Variants in KCNB2 observed in about 807,000 individuals in gnomAD.
The protein encoded by KCNB2 is potassium voltage-gated channel subfamily B member 2, also known as delayed rectifier potassium channel protein.
KCNB2 carries 15 observed loss-of-function variants against 61.5 expected under a neutral mutation model. That is an observed-to-expected ratio of 0.24 (90% CI 0.16 to 0.38). KCNB2 has a LOEUF of 0.38. KCNB2 is among the 10% of genes least tolerant of loss of function. The pLI, the probability that KCNB2 is intolerant of heterozygous loss-of-function variation, is 1.00. For missense variants in KCNB2, 828 were observed against 1,125.2 expected, an observed-to-expected ratio of 0.74 and a Z score of 3.78; for synonymous variants, 457 against 446.0, an observed-to-expected ratio of 1.02 and a Z score of -0.31.
intron 2 of KCNB2, among the ~76,000 whole-genome samples, chr8:72,644,243 G>GT (rs141634030): frequency 0.012 from 1,754 of 151,930 alleles, 34 homozygotes; most frequent in African/African-American, 0.039. Context: ...ATTTTAAAAA[G>GT]TTCACCCCCC....
At chr8:72,550,791 A>G (rs1159482367) in intron 1 of KCNB2, among the ~76,000 whole-genome samples, 1 of 152,206 alleles carries the variant, frequency 6.6e-6, no homozygotes, top group Admixed American at 6.5e-5. Flanking sequence ...AGCAAATGAC[A>G]GATGGCAATC....
intron 2 of KCNB2, among the ~76,000 whole-genome samples, chr8:72,846,956 A>C (rs955130641): frequency 6.6e-6 from 1 of 152,238 alleles, no homozygotes; most frequent in Non-Finnish European, 1.5e-5. Context: ...ACACATGCAC[A>C]TGTATGTTTA....
intron 2 of KCNB2, among the ~76,000 whole-genome samples, chr8:72,582,275 G>A (rs1453322157): frequency 1.3e-5 from 2 of 152,310 alleles, no homozygotes; most frequent in African/African-American, 4.8e-5. Context: ...CAGAGGGACC[G>A]CAGAAGGCAT....
intron 2 of KCNB2, among the ~76,000 whole-genome samples, chr8:72,808,439 G>A (rs1809257287): frequency 6.6e-6 from 1 of 152,110 alleles, no homozygotes; most frequent in South Asian, 2.1e-4. Flanking sequence ...TATAGTGCCT[G>A]GCATATAATG....
intron 2 of KCNB2, among the ~76,000 whole-genome samples, chr8:72,638,183 A>G (rs1272136373): frequency 6.6e-6 from 1 of 152,136 alleles, no homozygotes; most frequent in Non-Finnish European, 1.5e-5. Context: ...GAACTCTGTA[A>G]GGGATCATTT....
chr8:72,854,353 T>G (rs1810170564), intron 2 of KCNB2, among the ~76,000 whole-genome samples: 1 of 152,234 alleles, frequency 6.6e-6, no homozygotes, highest in African/African-American at 2.4e-5. Context: ...AAAAGACTAT[T>G]TAAAATTTAG....
chr8:72,920,465 C>CTATA (rs1261158124), intron 2 of KCNB2, among the ~76,000 whole-genome samples: 4 of 71,074 alleles, frequency 5.6e-5, no homozygotes, highest in African/African-American at 1.8e-4. Flanking sequence ...ATCTATCTAT[C>CTATA]TATCTATCTA....
chr8:72,868,841 C>A (rs1805573323), intron 2 of KCNB2, among the ~76,000 whole-genome samples: 1 of 152,140 alleles, frequency 6.6e-6, no homozygotes, highest in South Asian at 2.1e-4. Flanking sequence ...AGGTGCACAT[C>A]TTTGTCCATG....
At chr8:72,712,336 A>G (rs1030574391) in intron 2 of KCNB2, among the ~76,000 whole-genome samples, 2 of 152,212 alleles carry the variant, frequency 1.3e-5, no homozygotes, top group East Asian at 3.9e-4. Context: ...TGTCTTACTC[A>G]CAGGTTCCTA....
chr8:72,847,601 A>C (rs968241190), intron 2 of KCNB2, among the ~76,000 whole-genome samples: 1 of 152,178 alleles, frequency 6.6e-6, no homozygotes, highest in African/African-American at 2.4e-5. Flanking sequence ...ATCACTTTAA[A>C]TGTGTAAAGG....
intron 2 of KCNB2, among the ~76,000 whole-genome samples, chr8:72,628,434 TGTGTGTGTGTGA>T (rs1160066559): frequency 0.11 from 15,661 of 140,658 alleles, 1,085 homozygotes; most frequent in East Asian, 0.38. Flanking sequence ...TGTGTGTGTG[TGTGTGTGTGTGA>T]GATGCACTTA....
intron 2 of KCNB2, among the ~76,000 whole-genome samples, chr8:72,776,132 T>C (rs1445926430): frequency 6.6e-5 from 10 of 151,758 alleles, no homozygotes; most frequent in Admixed American, 1.3e-4. Flanking sequence ...ACCATCATTC[T>C]CAGCAAACTA....
intron 2 of KCNB2, among the ~76,000 whole-genome samples, chr8:72,581,109 A>G (rs1806886306): frequency 6.6e-6 from 1 of 152,172 alleles, no homozygotes; most frequent in Admixed American, 6.5e-5. Flanking sequence ...ACTGAACTCA[A>G]CAGAGTATTT....
chr8:72,894,687 A>T (rs1785489663), intron 2 of KCNB2, among the ~76,000 whole-genome samples: 1 of 152,076 alleles, frequency 6.6e-6, no homozygotes, highest in African/African-American at 2.4e-5. Flanking sequence ...TCCTGTTTGG[A>T]TGTTGACTGG....
intron 2 of KCNB2, among the ~76,000 whole-genome samples, chr8:72,635,924 C>A (rs1563545140): frequency 3.3e-5 from 5 of 152,136 alleles, no homozygotes; most frequent in African/African-American, 1.2e-4. Context: ...TGTTACTGAG[C>A]AAATTTTAAT....
Position 72,567,140 on chromosome 8 carries a change from G to C in KCNB2, c.-93-502G>C, listed in dbSNP as rs547622156. Among the ~76,000 whole-genome samples the C allele has an allele frequency of 2.6e-5, 4 of 152,130 alleles. No individual in the cohort carries two copies. In the East Asian group the frequency reaches 5.8e-4, roughly 22 times the overall value. ...GGTCAAGACCAGCCTGGGCAACATG[G>C]AGAAACCCCATCTCTACAAAAAATA... On this transcript the variant is annotated intron_variant, in intron 1 of 2. Transcript: ENST00000523207.
intron 2 of KCNB2, among the ~76,000 whole-genome samples, chr8:72,729,838 A>G (rs890620055): frequency 2.6e-5 from 4 of 151,988 alleles, no homozygotes; most frequent in Non-Finnish European, 5.9e-5. Context: ...AGCTGAGATC[A>G]TGTGTCATTA....
intron 2 of KCNB2, among the ~76,000 whole-genome samples, chr8:72,864,460 A>T (rs1805480521): frequency 6.6e-6 from 1 of 152,216 alleles, no homozygotes; most frequent in Non-Finnish European, 1.5e-5. Flanking sequence ...CAAAGCAAAA[A>T]ACCTGTGAGT....
chr8:72,868,439 G>A (rs901350869), intron 2 of KCNB2, among the ~76,000 whole-genome samples: 7 of 151,716 alleles, frequency 4.6e-5, no homozygotes, highest in Admixed American at 1.3e-4. Context: ...TTAGCCAGGC[G>A]TGGTGGCACA....
Sources: gnomAD v4.1 joint callset for allele counts (sites outside exome capture counted in the v4.1 genomes callset) on GRCh38, gnomAD v4.1.1 for gene constraint, MANE v1.5 for transcripts, NCBI Gene and HGNC (gene_info 2026-07-23, HGNC 2026-07-21) for gene names.